PCDH15: variants seen among roughly 807,000 people sequenced by gnomAD.
PCDH15 encodes the protein protocadherin-15.
A neutral mutation model predicts 178.5 loss-of-function variants in PCDH15; 129 were observed. The ratio of observed to expected loss-of-function variants is 0.72; its 90% confidence interval spans 0.63 to 0.84. PCDH15 has a LOEUF of 0.84. Ranked by LOEUF, PCDH15 falls within the 40% of genes least tolerant of loss-of-function variation. PCDH15 has a pLI of 0.00. For missense variants in PCDH15, 2,230 were observed against 2,099.9 expected (o/e 1.06, Z -1.21); for synonymous variants, 800 against 732.0 (o/e 1.09, Z -1.50).
intron 2 of PCDH15, among the ~76,000 whole-genome samples, chr10:55,464,807 A>G (rs926338119): frequency 6.6e-6 from 1 of 150,402 alleles, no homozygotes; most frequent in African/African-American, 2.4e-5. Flanking sequence ...ATTGTACTTA[A>G]GCACTTTATT....
chr10:55,610,531 T>C (rs752091810), intron 2 of PCDH15, among the ~76,000 whole-genome samples: 42 of 152,078 alleles, frequency 2.8e-4, no homozygotes, highest in Non-Finnish European at 4.9e-4. Flanking sequence ...AAAGGATAAG[T>C]ACGAGTCATT....
chr10:54,160,189 A>C (rs4480446), intron 13 of PCDH15, among the ~76,000 whole-genome samples: 47,823 of 151,892 alleles, frequency 0.31, 8,133 homozygotes, highest in African/African-American at 0.43. Flanking sequence ...GCCCCCCCCA[A>C]CAAGCTGGGG....
At chr10:54,762,959 A>G (rs1033004060) in intron 1 of PCDH15, among the ~76,000 whole-genome samples, 9 of 152,186 alleles carry the variant, frequency 5.9e-5, no homozygotes, top group African/African-American at 2.2e-4. Flanking sequence ...TTTCGCTTTT[A>G]AAGCATAAGT....
intron 2 of PCDH15, among the ~76,000 whole-genome samples, chr10:54,655,292 G>GAGAGAGAGAGAGAGAC (rs1565866271): frequency 1.1e-3 from 138 of 121,010 alleles, no homozygotes; most frequent in Non-Finnish European, 1.6e-3. Context: ...GAGAGAGAGA[G>GAGAGAGAGAGAGAGAC]AGAGAGAGAG....
intron 8 of PCDH15, among the ~76,000 whole-genome samples, chr10:54,276,893 C>T (rs1277845214): frequency 6.6e-6 from 1 of 151,470 alleles, no homozygotes; most frequent in Non-Finnish European, 1.5e-5. Context: ...AGGAAATATA[C>T]ATATGACTTT....
intron 2 of PCDH15, among the ~76,000 whole-genome samples, chr10:55,505,822 T>A (rs1395068145): frequency 2.0e-5 from 3 of 151,434 alleles, no homozygotes; most frequent in Admixed American, 6.6e-5. Context: ...ATGATAAACA[T>A]GTCTTAAGAG....
At chr10:54,818,635 A>T (rs1952985965) in intron 3 of PCDH15, among the ~76,000 whole-genome samples, 2 of 152,054 alleles carry the variant, frequency 1.3e-5, no homozygotes, top group African/African-American at 4.8e-5. Flanking sequence ...CCGACAGAAT[A>T]AATGAAGAGT....
At chr10:55,364,982 G>C (rs1845320657) in intron 2 of PCDH15, among the ~76,000 whole-genome samples, 1 of 151,690 alleles carries the variant, frequency 6.6e-6, no homozygotes, top group Non-Finnish European at 1.5e-5. Flanking sequence ...TATCTTATTT[G>C]TCTGCCAAGA....
At chr10:55,507,310 G>A (rs1356878430) in intron 2 of PCDH15, among the ~76,000 whole-genome samples, 1 of 151,280 alleles carries the variant, frequency 6.6e-6, no homozygotes, top group East Asian at 1.9e-4. Context: ...GAGGTAAGTG[G>A]CTGTCATCTA....
intron 8 of PCDH15, among the ~76,000 whole-genome samples, chr10:54,239,143 A>G (rs538008349): frequency 2.2e-4 from 34 of 152,202 alleles, no homozygotes; most frequent in Non-Finnish European, 4.4e-4. Flanking sequence ...AAATCACAAT[A>G]TTTGAGGATA....
intron 1 of PCDH15, among the ~76,000 whole-genome samples, chr10:55,250,838 A>G (rs1004367722): frequency 2.0e-5 from 3 of 152,026 alleles, no homozygotes; most frequent in South Asian, 4.2e-4. Context: ...CCCAGCCAAT[A>G]AATTCTTATT....
chr10:54,444,629 T>C (rs1302651800), intron 3 of PCDH15, among the ~76,000 whole-genome samples: 1 of 151,694 alleles, frequency 6.6e-6, no homozygotes, highest in African/African-American at 2.4e-5. Flanking sequence ...AAAACACTCA[T>C]AAACTAGCAC....
At chr10:54,880,364 C>T (rs1954240275) in intron 3 of PCDH15, among the ~76,000 whole-genome samples, 1 of 151,914 alleles carries the variant, frequency 6.6e-6, no homozygotes, top group African/African-American at 2.4e-5. Flanking sequence ...TTGATGCCTC[C>T]CCACTCCATT....
intron 5 of PCDH15, among the ~76,000 whole-genome samples, chr10:54,360,364 CA>C (rs1156669232): frequency 6.6e-6 from 1 of 152,066 alleles, no homozygotes; most frequent in Non-Finnish European, 1.5e-5. Context: ...GCTAATCTCC[CA>C]TCTTTTTGGC....
intron 15 of PCDH15, among the ~76,000 whole-genome samples, chr10:54,132,619 C>A (rs987862578): frequency 1.3e-5 from 2 of 152,170 alleles, no homozygotes; most frequent in African/African-American, 4.8e-5. Flanking sequence ...TTCATTCTCT[C>A]CTGTAATGAT....
intron 3 of PCDH15, among the ~76,000 whole-genome samples, chr10:54,415,999 G>A (rs989917837): frequency 6.6e-6 from 1 of 151,822 alleles, no homozygotes; most frequent in African/African-American, 2.4e-5. Context: ...GTTCTCACTT[G>A]GATGCCCAGG....
At chr10:54,461,453 G>A (rs1333194689) in intron 3 of PCDH15, among the ~76,000 whole-genome samples, 1 of 152,040 alleles carries the variant, frequency 6.6e-6, no homozygotes, top group Non-Finnish European at 1.5e-5. Context: ...GTTTTTCCAT[G>A]TGTGATTTAA....
At chr10:54,425,701 T>G (rs1375849160) in intron 3 of PCDH15, among the ~76,000 whole-genome samples, 1 of 152,174 alleles carries the variant, frequency 6.6e-6, no homozygotes, top group Non-Finnish European at 1.5e-5. Context: ...AATATCAGTC[T>G]GGCATTGTGA....
At chr10:55,592,296 A>C (rs1400624883) in intron 2 of PCDH15, among the ~76,000 whole-genome samples, 1 of 152,166 alleles carries the variant, frequency 6.6e-6, no homozygotes, top group Non-Finnish European at 1.5e-5. Flanking sequence ...AATAAAAAGC[A>C]GGAGCAAGTG....
Sources: allele counts gnomAD v4.1 joint callset (sites outside exome capture counted in the v4.1 genomes callset), GRCh38; gene constraint gnomAD v4.1.1; transcripts MANE v1.5; gene names NCBI Gene and HGNC (gene_info 2026-07-23, HGNC 2026-07-21).